The following MROH1 variants were observed in gnomAD, a reference collection of about 807,000 sequenced individuals.
The protein encoded by MROH1 is maestro heat-like repeat-containing protein family member 1.
In MROH1, 117 loss-of-function variants were observed where a neutral mutation model predicts 116.5. The ratio of observed to expected loss-of-function variants is 1.00; its 90% CI spans 0.86 to 1.17. MROH1 has a LOEUF of 1.17. MROH1 is among the 50% of genes most tolerant of loss of function. The probability of loss-of-function intolerance (pLI) is 0.00; values close to 1 mark genes in which losing one functional copy is unlikely to be tolerated. For synonymous variants in MROH1, 921 were observed against 583.9 expected (o/e 1.58, Z -8.32); for missense variants, 1,873 against 1,338.5 (o/e 1.40, Z -6.23).
chr8:144,184,521 G>C (rs144600013), intron 7 of MROH1, among the ~76,000 whole-genome samples: 1 of 152,206 alleles, frequency 6.6e-6, no homozygotes, highest in Non-Finnish European at 1.5e-5. Context: ...GAAAGGACAG[G>C]GTCCTACAAG....
intron 12 of MROH1, among the ~76,000 whole-genome samples, chr8:144,210,259 G>A (rs1833808546): frequency 6.6e-6 from 1 of 151,252 alleles, no homozygotes; most frequent in South Asian, 2.1e-4. Flanking sequence ...GCCAATACAG[G>A]GAAACCCTGT....
In MROH1 at chr8:144,239,067, C is replaced by G. The variant is rs1840519925; in HGVS notation, c.1479C>G (p.Thr493=). 8 of 777,962 alleles carry G rather than the reference C, an allele frequency of 1.0e-5. No homozygotes were observed. The highest frequency in any genetic ancestry group is 1.0e-4 in the Admixed American group (6 of 59,020). The allele number at this position is 777,962 out of a possible 1,614,324, so 48.2% of individuals were successfully genotyped here. Residue 493 remains threonine, a synonymous_variant, in exon 16 of 44, where the codon ACC becomes ACG. Coordinates refer to ENST00000326134, the MANE Select transcript of MROH1 (RefSeq NM_032450.3). Reference sequence around the variant, plus strand: ...GGCCATACCTGCTCCAGTTCCTCACCCCTGTGCGCTTCACTGGGGCCCTGA... The same window carrying G: ...GGCCATACCTGCTCCAGTTCCTCACGCCTGTGCGCTTCACTGGGGCCCTGA... ...VLWPYLLQFL[T]PVRFTGALTP...
chr8:144,171,342 G>T (rs1470848642), intron 4 of MROH1, among the ~76,000 whole-genome samples: 2 of 152,256 alleles, frequency 1.3e-5, no homozygotes, highest in Non-Finnish European at 2.9e-5. Context: ...GTGACGAAGG[G>T]TGCGGGTGCC....
intron 35 of MROH1, among the ~76,000 whole-genome samples, chr8:144,258,149 C>T (rs1164946123): frequency 6.6e-6 from 1 of 152,374 alleles, no homozygotes; most frequent in Non-Finnish European, 1.5e-5. Flanking sequence ...CTGGCCCAGC[C>T]ACTGCCAGGG....
At chr8:144,234,155 G>T (rs550843755) in intron 14 of MROH1, among the ~76,000 whole-genome samples, 1 of 152,038 alleles carries the variant, frequency 6.6e-6, no homozygotes, top group African/African-American at 2.4e-5. Context: ...GACTACAGGC[G>T]CCTGCAACCA....
At chr8:144,231,958 A>G (rs1838970901) in intron 14 of MROH1, among the ~76,000 whole-genome samples, 1 of 152,234 alleles carries the variant, frequency 6.6e-6, no homozygotes, top group African/African-American at 2.4e-5. Flanking sequence ...ATACATTCAT[A>G]TTATGTGTAG....
At chr8:144,255,964 C>A (rs1554832807) in intron 35 of MROH1, among the ~76,000 whole-genome samples, 1 of 152,246 alleles carries the variant, frequency 6.6e-6, no homozygotes, top group Non-Finnish European at 1.5e-5. Flanking sequence ...TGAACACAGG[C>A]AGCTGGTGGG....
At chr8:144,154,564 C>A (rs1817595629) in intron 1 of MROH1, among the ~76,000 whole-genome samples, 1 of 152,108 alleles carries the variant, frequency 6.6e-6, no homozygotes, top group Non-Finnish European at 1.5e-5. Context: ...ACACTCACTG[C>A]CTGAGCTCAC....
At chr8:144,221,636 G>C (rs557681773) in intron 13 of MROH1, among the ~76,000 whole-genome samples, 10 of 152,004 alleles carry the variant, frequency 6.6e-5, no homozygotes, top group Non-Finnish European at 1.0e-4. Context: ...TGCTCCTTAC[G>C]TGTTCCACAC....
intron 12 of MROH1, chr8:144,214,601 G>T (rs1219742084): frequency 6.6e-6 from 1 of 152,060 alleles, no homozygotes; most frequent in Non-Finnish European, 1.5e-5. Flanking sequence ...GGCCTGAATG[G>T]GCCCAAATCC....
chr8:144,246,559 C>T (rs1259933104), intron 29 of MROH1, among the ~76,000 whole-genome samples: 1 of 152,188 alleles, frequency 6.6e-6, no homozygotes, highest in East Asian at 1.9e-4. Context: ...GTGATGGATG[C>T]CCAGTCTAAG....
chr8:144,165,259 C>T (rs1820523962), intron 3 of MROH1, among the ~76,000 whole-genome samples: 1 of 151,870 alleles, frequency 6.6e-6, no homozygotes, highest in African/African-American at 2.4e-5. Flanking sequence ...GCTGGGATTA[C>T]AGGTGCCCGC....
intron 4 of MROH1, among the ~76,000 whole-genome samples, chr8:144,171,623 A>C (rs1822473818): frequency 6.6e-6 from 1 of 152,204 alleles, no homozygotes; most frequent in African/African-American, 2.4e-5. Context: ...TCCTCTAAGG[A>C]AGCTGCTGTC....
intron 29 of MROH1, among the ~76,000 whole-genome samples, chr8:144,246,627 T>C (rs1444224251): frequency 6.6e-6 from 1 of 152,220 alleles, no homozygotes; most frequent in Non-Finnish European, 1.5e-5. Context: ...CCCTTCTGAC[T>C]TGAAATTCTT....
intron 34 of MROH1, 147 bp downstream of exon 34, chr8:144,255,125 C>G (rs981192885): frequency 1.3e-5 from 8 of 605,066 alleles, no homozygotes; most frequent in Non-Finnish European, 1.8e-5. Context: ...TGAGCTCAGG[C>G]TCGTAAAGGC....
At position 144,261,206 on chromosome 8, in the gene MROH1, C is replaced by G; in HGVS notation, c.4764C>G (p.Pro1588=). ...GGGAGAACGTCCGAGCTGCTGCACCCCTGTTCACCGGTAAGCACCACCCCC... is the reference window on the plus strand; with the variant it reads ...GGGAGAACGTCCGAGCTGCTGCACCGCTGTTCACCGGTAAGCACCACCCCC... ...SSWENVRAAA[P]LFTGFLVLHS... is the part of the protein sequence containing the mutation. Residue 1588 remains proline, a synonymous_variant, in exon 42 of 44, where the codon CCC becomes CCG. Transcript: ENST00000326134. The G allele has an allele frequency of 1.3e-6, 1 of 764,938 alleles. No individual in the cohort carries two copies. The highest frequency in any genetic ancestry group is 2.4e-5 in the East Asian group (1 of 41,238). The allele number at this position is 764,938 out of a possible 1,614,324, so 47.4% of individuals were successfully genotyped here. A position where few individuals can be genotyped will look rare whatever the true frequency, so the allele number is the denominator to read the frequency against.
intron 4 of MROH1, among the ~76,000 whole-genome samples, chr8:144,173,125 G>A (rs1454832116): frequency 1.4e-5 from 2 of 145,910 alleles, no homozygotes; most frequent in Admixed American, 6.8e-5. Context: ...TTTTCCTGAG[G>A]CAGAGTCTCG....
In MROH1 at chr8:144,182,184, T is replaced by G. The variant is rs1001688986; in HGVS notation, c.562+1661T>G. ...CTAGTGGTGGGGGCGGTGGCAGGCC[T>G]GCGTCCACTGCGGGAGGGTGCAGGT... On this transcript the variant is annotated intron_variant, in intron 7 of 43. Transcript: ENST00000326134. The surrounding 1 kb of genome is among the most constrained non-coding windows in gnomAD (Gnocchi z 4.1). Among the ~76,000 whole-genome samples the G allele has an allele frequency of 2.0e-5, 3 of 152,126 alleles. No homozygotes were observed. The highest frequency in any genetic ancestry group is 6.5e-5 in the Admixed American group (1 of 15,270).
chr8:144,185,476 C>G (rs1587988286), intron 7 of MROH1, among the ~76,000 whole-genome samples: 1 of 148,434 alleles, frequency 6.7e-6, no homozygotes, highest in Non-Finnish European at 1.5e-5. Context: ...AAGTGGTAAA[C>G]AGGAGGTGAA....
Sources: gnomAD v4.1 joint callset for allele counts (sites outside exome capture counted in the v4.1 genomes callset) on GRCh38, gnomAD v4.1.1 for gene constraint, Gnocchi (gnomAD v3.1) non-coding constraint, MANE v1.5 for transcripts, NCBI Gene and HGNC (gene_info 2026-07-23, HGNC 2026-07-21) for gene names.